The following PAQR8 variants were observed in gnomAD, a reference collection of about 807,000 sequenced individuals.
The protein encoded by PAQR8 is membrane progestin receptor beta.
A neutral mutation model predicts 25.2 loss-of-function variants in PAQR8; 17 were observed. That is an observed-to-expected ratio of 0.67 (90% CI 0.46 to 1.01). The LOEUF is 1.01. Ranked by LOEUF, PAQR8 falls within the 50% of genes least tolerant of loss-of-function variation. The pLI is 0.00. For missense variants in PAQR8, 392 were observed against 448.4 expected (o/e 0.87, Z 1.14); for synonymous variants, 204 against 190.6 (o/e 1.07, Z -0.58).
At chr6:52,366,589 A>G (rs543244021) in intron 1 of PAQR8, among the ~76,000 whole-genome samples, 2 of 152,338 alleles carry the variant, frequency 1.3e-5, no homozygotes, top group African/African-American at 4.8e-5. Flanking sequence ...AAATAGCTAT[A>G]ATTAGTGAAT....
At chr6:52,397,267 C>T (rs1473530973) in intron 1 of PAQR8, among the ~76,000 whole-genome samples, 1 of 152,156 alleles carries the variant, frequency 6.6e-6, no homozygotes, top group Non-Finnish European at 1.5e-5. Flanking sequence ...CATTACTCCC[C>T]AGTAGCCCCT....
intron 1 of PAQR8, among the ~76,000 whole-genome samples, chr6:52,364,167 G>GA (rs1458740213): frequency 2.2e-5 from 3 of 137,702 alleles, no homozygotes; most frequent in Non-Finnish European, 4.6e-5. Context: ...GACACACACT[G>GA]AGATTTGAGC....
intron 1 of PAQR8, among the ~76,000 whole-genome samples, chr6:52,399,431 C>G (rs1364696180): frequency 6.6e-6 from 1 of 152,146 alleles, no homozygotes; most frequent in Non-Finnish European, 1.5e-5. Flanking sequence ...TACTAAAACC[C>G]AAAGTTTTAG....
At chr6:52,398,165 C>G (rs549716485) in intron 1 of PAQR8, among the ~76,000 whole-genome samples, 1 of 150,534 alleles carries the variant, frequency 6.6e-6, no homozygotes, top group Non-Finnish European at 1.5e-5. Context: ...CCCAAACCCT[C>G]TTTCTGACCA....
At chr6:52,365,555 ATTC>A (rs1763342498) in intron 1 of PAQR8, among the ~76,000 whole-genome samples, 1 of 152,204 alleles carries the variant, frequency 6.6e-6, no homozygotes, top group African/African-American at 2.4e-5. Flanking sequence ...GAGTCTACTT[ATTC>A]TTGTTAGGAA....
At chr6:52,381,955 A>T (rs1441404949) in intron 1 of PAQR8, among the ~76,000 whole-genome samples, 1 of 152,176 alleles carries the variant, frequency 6.6e-6, no homozygotes, top group Non-Finnish European at 1.5e-5. Flanking sequence ...TTGTCATAAG[A>T]TATATATCAT....
At chr6:52,397,430 G>A (rs755780975) in intron 1 of PAQR8, among the ~76,000 whole-genome samples, 5 of 152,244 alleles carry the variant, frequency 3.3e-5, no homozygotes, top group Non-Finnish European at 5.9e-5. Flanking sequence ...AGGATACTCC[G>A]AGTTTGTTCT....
chr6:52,383,131 A>G (rs145357946), intron 1 of PAQR8, among the ~76,000 whole-genome samples: 1 of 152,390 alleles, frequency 6.6e-6, no homozygotes, highest in African/African-American at 2.4e-5. Flanking sequence ...TAATATATTT[A>G]TAGACACATA....
At chr6:52,363,141 A>T (rs1356698744) in intron 1 of PAQR8, among the ~76,000 whole-genome samples, 1 of 151,836 alleles carries the variant, frequency 6.6e-6, no homozygotes, top group Non-Finnish European at 1.5e-5. Context: ...GGGACCTCGC[A>T]CTCAGCGCGC....
chr6:52,370,071 TG>T (rs1763399709), intron 1 of PAQR8, among the ~76,000 whole-genome samples: 2 of 147,118 alleles, frequency 1.4e-5, no homozygotes, highest in East Asian at 2.0e-4. Context: ...TTGGATTGCA[TG>T]GGTTTTTTTT....
intron 1 of PAQR8, among the ~76,000 whole-genome samples, chr6:52,371,609 C>T (rs1387435506): frequency 1.3e-5 from 2 of 152,170 alleles, no homozygotes; most frequent in Non-Finnish European, 2.9e-5. Flanking sequence ...GGCTGTGATA[C>T]ATCTCATGGC....
chr6:52,403,735 G>T lies in PAQR8; in HGVS notation c.522G>T (p.Arg174=). 6.2e-7 allele frequency: 1 copy of T among 1,614,258 alleles called. No homozygotes were observed. Among genetic ancestry groups the T allele is most frequent in the Non-Finnish European group, 8.5e-7 (1 of 1,180,030 alleles). The change falls in exon 2 of 2, where the codon CGG becomes CGT. Residue 174 remains arginine, a synonymous_variant. Coordinates refer to ENST00000442253, the MANE Select transcript of PAQR8 (RefSeq NM_133367.5). The part of the protein sequence containing the change: ...FYSSDQAWYD[R]FWLFFLPAAA... The stretch of plus-strand genomic sequence containing the variant: ...GCTCTGACCAGGCCTGGTATGACCG[G>T]TTCTGGCTTTTCTTCTTGCCAGCAG...
chr6:52,376,858 G>A (rs1197886853), intron 1 of PAQR8, among the ~76,000 whole-genome samples: 2 of 152,168 alleles, frequency 1.3e-5, no homozygotes, highest in Admixed American at 1.3e-4. Context: ...TGGTGGTTGA[G>A]GCTGAAATAG....
At position 52,362,658 on chromosome 6, in the gene PAQR8, G is replaced by T. The variant is rs1350292902; in HGVS notation, c.-53+409G>T. On this transcript the variant is annotated intron_variant, in intron 1 of 1. Transcript: ENST00000442253. The surrounding 1 kb of genome is among the most constrained non-coding windows in gnomAD (Gnocchi z 4.1). ...GGCGGGAGATTCAGGACCAAGACGT[G>T]GGGGAGTCCGACAGGGCAGAACGAG... is the stretch of plus-strand genomic sequence containing the variant. 6.6e-6 allele frequency among the ~76,000 whole-genome samples: 1 copy of T among 152,172 alleles called. No homozygotes were observed. Among genetic ancestry groups the T allele is most frequent in the African/African-American group, 2.4e-5 (1 of 41,448 alleles).
At chr6:52,399,345 C>T (rs545755392) in intron 1 of PAQR8, among the ~76,000 whole-genome samples, 58 of 152,160 alleles carry the variant, frequency 3.8e-4, no homozygotes, top group Non-Finnish European at 7.3e-4. Flanking sequence ...TATCATGTTC[C>T]GTCCTTTCTC....
At chr6:52,401,478 C>T (rs1763829071) in intron 1 of PAQR8, among the ~76,000 whole-genome samples, 1 of 152,120 alleles carries the variant, frequency 6.6e-6, no homozygotes, top group Non-Finnish European at 1.5e-5. Context: ...TTGCTGTATT[C>T]GTCTGTCACT....
In PAQR8 at chr6:52,403,353, G is replaced by C; in HGVS notation, c.140G>C (p.Arg47Pro). 6.2e-7 allele frequency: 1 copy of C among 1,614,246 alleles called. No homozygotes were observed. The highest frequency in any genetic ancestry group is 8.5e-7 in the Non-Finnish European group (1 of 1,180,052). The stretch of plus-strand genomic sequence containing the variant: ...GAAACGGATGTGCCCCAGCTCTTCC[G>C]GGAGCCTTACATCCGCACCGGCTAC... ...VPETDVPQLF[R>P]EPYIRTGYRP... Residue 47 changes from arginine to proline, a missense_variant, in exon 2 of 2, where the codon CGG becomes CCG. Coordinates refer to ENST00000442253, the MANE Select transcript of PAQR8 (RefSeq NM_133367.5).
intron 1 of PAQR8, among the ~76,000 whole-genome samples, chr6:52,376,984 G>T (rs998359020): frequency 6.6e-6 from 1 of 152,144 alleles, no homozygotes; most frequent in African/African-American, 2.4e-5. Context: ...GTAACATTGA[G>T]TGCTTGTCTC....
At position 52,403,210 on chromosome 6, in the gene PAQR8, T is replaced by A. The variant is rs3748066; in HGVS notation, c.-4T>A. 4 of 1,588,634 alleles carry A rather than the reference T, an allele frequency of 2.5e-6. No homozygotes were observed. The highest frequency in any genetic ancestry group is 2.7e-5 in the African/African-American group (2 of 74,568). ...GCGGCACGGAGTGCATGCGGGCCGC[T>A]GCCATGACGACCGCCATCTTGGAGC... On this transcript the variant is annotated 5_prime_UTR_variant, in exon 2 of 2. Coordinates refer to ENST00000442253, the MANE Select transcript of PAQR8 (RefSeq NM_133367.5).
Sources: allele counts gnomAD v4.1 joint callset (sites outside exome capture counted in the v4.1 genomes callset), GRCh38; gene constraint gnomAD v4.1.1; non-coding constraint Gnocchi (gnomAD v3.1); transcripts MANE v1.5; gene names NCBI Gene and HGNC (gene_info 2026-07-23, HGNC 2026-07-21).